MYO10: variants seen among roughly 807,000 people sequenced by gnomAD.
MYO10 encodes myosin X, also known as unconventional myosin-X.
Under a neutral mutation model 257.3 loss-of-function variants are expected in MYO10, and 133 were observed. That is an observed-to-expected ratio of 0.52 (90% CI 0.45 to 0.60). The LOEUF (loss-of-function observed/expected upper bound fraction) is 0.60. Ranked by LOEUF, MYO10 falls within the 20% of genes least tolerant of loss-of-function variation. The pLI is 0.00. For synonymous variants in MYO10, 1,104 were observed against 1,028.6 expected (o/e 1.07, Z -1.40); for missense variants, 2,399 against 2,635.7 (o/e 0.91, Z 1.97).
chr5:16,878,151 A>C (rs1580106033), intron 1 of MYO10, among the ~76,000 whole-genome samples: 2 of 152,316 alleles, frequency 1.3e-5, no homozygotes, highest in East Asian at 3.9e-4. Context: ...GGTCTCAACA[A>C]GCCTTCACCC....
At chr5:16,765,949 C>A in intron 11 of MYO10, 131 bp downstream of exon 11, 2 of 650,036 alleles carry the variant, frequency 3.1e-6, no homozygotes, top group Non-Finnish European at 5.4e-6. Context: ...TATCATGAAC[C>A]AGTCATTTGA....
intron 9 of MYO10, among the ~76,000 whole-genome samples, chr5:16,770,767 C>CT (rs144856705): frequency 0.01 from 1,577 of 152,108 alleles, 23 homozygotes; most frequent in East Asian, 0.091. Context: ...ATTTCTTTCC[C>CT]TTTTTTTTGT....
At chr5:16,720,517 G>A (rs761216853) in intron 19 of MYO10, among the ~76,000 whole-genome samples, 4 of 151,922 alleles carry the variant, frequency 2.6e-5, no homozygotes, top group East Asian at 3.9e-4. Flanking sequence ...GCAGTGGTGC[G>A]ATCTCAGGTC....
At chr5:16,694,294 T>A in intron 27 of MYO10, 77 bp downstream of exon 27, 4 of 1,590,862 alleles carry the variant, frequency 2.5e-6, no homozygotes, top group South Asian at 1.1e-5. Flanking sequence ...TGCAAGGAAC[T>A]TGCACAGCAT....
At position 16,666,610 on chromosome 5, in the gene MYO10, G is replaced by T; in HGVS notation, c.*82C>A. ...CCTGGGCAGCTCTGTGTTTGTTTTG[G>T]CTGGGCATGGCACACTGGAGCCAGC... On this transcript the variant is annotated 3_prime_UTR_variant, in exon 41 of 41. Coordinates refer to ENST00000513610, the MANE Select transcript of MYO10 (RefSeq NM_012334.3). 2 of 1,187,622 alleles carry T rather than the reference G, an allele frequency of 1.7e-6. No homozygotes were observed. The highest frequency in any genetic ancestry group is 2.4e-6 in the Non-Finnish European group (2 of 850,756). The allele number at this position is 1,187,622 out of a possible 1,614,324, so 73.6% of individuals were successfully genotyped here. A position where few individuals can be genotyped will look rare whatever the true frequency, so the allele number is the denominator to read the frequency against.
chr5:16,704,786 C>G, intron 21 of MYO10, 101 bp from the exon 22 acceptor site: 1 of 882,520 alleles, frequency 1.1e-6, no homozygotes, highest in Non-Finnish European at 1.8e-6. Flanking sequence ...GCTTTTTTCT[C>G]TTAGTTTGAT....
rs751459961 is a variant in MYO10, at chr5:16,818,049, A to G, written c.239T>C (p.Met80Thr). ...SLTELHGGSI[M>T]YNLFQRYKRN... ...CTTATACCGCTGGAATAAGTTATAC[A>G]TGATGGAGCCGCCATGGAGCTCTGT... The change falls in exon 3 of 41, where the codon ATG (methionine) becomes ACG (threonine). Residue 80 changes from methionine to threonine, a missense_variant. Physicochemically the swap from Met to Thr is moderately conservative, Grantham distance 81. Around this residue, in one of 3 missense-constraint regions of MYO10, gnomAD observed 242 missense variants for 249.5 expected, o/e 0.97. Transcript: ENST00000513610. 1.2e-6 allele frequency: 2 copies of G among 1,605,718 alleles called. No individual in the cohort carries two copies. The highest frequency in any genetic ancestry group is 1.1e-5 in the South Asian group (1 of 89,478).
At chr5:16,686,881 G>T (rs1171879091) in intron 28 of MYO10, among the ~76,000 whole-genome samples, 1 of 152,116 alleles carries the variant, frequency 6.6e-6, no homozygotes, top group Non-Finnish European at 1.5e-5. Flanking sequence ...CCATCTAACA[G>T]CATTTCTACT....
At chr5:16,799,363 A>G (rs908335710) in intron 3 of MYO10, among the ~76,000 whole-genome samples, 4 of 152,216 alleles carry the variant, frequency 2.6e-5, no homozygotes, top group African/African-American at 9.6e-5. Flanking sequence ...CACCTTGTCC[A>G]GTGAAATAGT....
At chr5:16,777,058 A>G (rs1164984271) in intron 9 of MYO10, among the ~76,000 whole-genome samples, 1 of 152,212 alleles carries the variant, frequency 6.6e-6, no homozygotes, top group African/African-American at 2.4e-5. Flanking sequence ...TTTTCAGCAG[A>G]CAGTAATAAA....
At chr5:16,802,643 C>T (rs559992117) in intron 3 of MYO10, among the ~76,000 whole-genome samples, 5 of 116,668 alleles carry the variant, frequency 4.3e-5, no homozygotes, top group South Asian at 5.4e-4. Context: ...GGGGACAGAG[C>T]GAGACTGTCT....
intron 2 of MYO10, among the ~76,000 whole-genome samples, chr5:16,868,186 A>G (rs1744340849): frequency 6.6e-6 from 1 of 152,244 alleles, no homozygotes; most frequent in South Asian, 2.1e-4. Context: ...CAATGTTCCT[A>G]AAGAGTGCTA....
chr5:16,754,960 A>G (rs1740485812), intron 18 of MYO10, 52 bp from the exon 19 acceptor site: 1 of 1,231,262 alleles, frequency 8.1e-7, no homozygotes, highest in African/African-American at 1.5e-5. Context: ...CATTCTTTAA[A>G]TTTCTCAGTA....
chr5:16,758,294 A>C (rs1187765454), intron 17 of MYO10, 68 bp from the exon 18 acceptor site: 1 of 1,056,864 alleles, frequency 9.5e-7, no homozygotes, highest in African/African-American at 1.6e-5. Flanking sequence ...GATTATTGTA[A>C]TTAATGGTGC....
rs1295744328 is a variant in MYO10, at chr5:16,757,305, C to CACACACACACACACAA, written c.1848+812_1848+813insTTGTGTGTGTGTGTGT. ...ACCCTGTCTCACACACACACAAACA[C>CACACACACACACACAA]ACACACACACGCACACACACACACA... On this transcript the variant is annotated intron_variant, in intron 18 of 40. Transcript: ENST00000513610. Among the ~76,000 whole-genome samples, 497 of 78,030 alleles carry CACACACACACACACAA rather than the reference C, an allele frequency of 6.4e-3. 6 individuals are homozygous for CACACACACACACACAA. The highest frequency in any genetic ancestry group is 0.022 in the African/African-American group (471 of 21,480). The allele number at this position is 78,030 out of a possible 152,430, so 51.2% of individuals were successfully genotyped here.
chr5:16,819,729 G>T (rs947957772), intron 2 of MYO10, among the ~76,000 whole-genome samples: 5 of 152,150 alleles, frequency 3.3e-5, no homozygotes, highest in African/African-American at 9.7e-5. Flanking sequence ...GGCAACAAAT[G>T]GTATGTTATT....
At chr5:16,808,271 T>C (rs6898592) in intron 3 of MYO10, among the ~76,000 whole-genome samples, 20,081 of 152,082 alleles carry the variant, frequency 0.13, 1,460 homozygotes, top group South Asian at 0.27. Flanking sequence ...GAGACCAACC[T>C]GAGCAACACG....
intron 1 of MYO10, among the ~76,000 whole-genome samples, chr5:16,879,967 C>A (rs1385898980): frequency 1.3e-5 from 2 of 152,144 alleles, no homozygotes; most frequent in East Asian, 3.9e-4. Context: ...CACTTGAGGT[C>A]AGGAGTTTGA....
At chr5:16,688,968 C>T (rs1737371223) in intron 28 of MYO10, among the ~76,000 whole-genome samples, 2 of 152,144 alleles carry the variant, frequency 1.3e-5, no homozygotes. Flanking sequence ...AACCTGAAGT[C>T]CAGGAAGCTA....
Sources: allele counts gnomAD v4.1 joint callset (sites outside exome capture counted in the v4.1 genomes callset), GRCh38; gene constraint gnomAD v4.1.1; regional missense constraint gnomAD v4.1.1; transcripts MANE v1.5; gene names NCBI Gene and HGNC (gene_info 2026-07-23, HGNC 2026-07-21).